ANAPC10: variants seen among roughly 807,000 people sequenced by gnomAD.
ANAPC10 encodes anaphase-promoting complex subunit 10.
A neutral mutation model predicts 22.0 loss-of-function variants in ANAPC10; 12 were observed. That is an observed-to-expected ratio of 0.55 (90% CI 0.35 to 0.88). The LOEUF (loss-of-function observed/expected upper bound fraction) is 0.88, where lower values mean the gene tolerates loss of function less well. Ranked by LOEUF, ANAPC10 falls within the 40% of genes least tolerant of loss-of-function variation. The probability of loss-of-function intolerance (pLI) is 0.01; values close to 1 mark genes in which losing one functional copy is unlikely to be tolerated. For missense variants in ANAPC10, 188 were observed against 220.9 expected (o/e 0.85, Z 0.94); for synonymous variants, 65 against 69.5 (o/e 0.94, Z 0.32).
At chr4:145,008,075 AGAAGAT>A (rs1482922921) in intron 4 of ANAPC10, among the ~76,000 whole-genome samples, 1 of 152,232 alleles carries the variant, frequency 6.6e-6, no homozygotes, top group East Asian at 1.9e-4. Context: ...CAAATAAACT[AGAAGAT>A]GAAGAAGAAA....
intron 4 of ANAPC10, among the ~76,000 whole-genome samples, chr4:145,011,268 C>T (rs1734256390): frequency 6.6e-6 from 1 of 151,246 alleles, no homozygotes; most frequent in Non-Finnish European, 1.5e-5. Context: ...ACCCTGGAGG[C>T]GGAGGTTGCA....
At chr4:145,095,092 T>C (rs1748311223) in intron 2 of ANAPC10, among the ~76,000 whole-genome samples, 1 of 151,976 alleles carries the variant, frequency 6.6e-6, no homozygotes, top group Non-Finnish European at 1.5e-5. Flanking sequence ...AGTAAAGAAA[T>C]TGGACAGAGA....
rs1731443829 is a variant in ANAPC10, at chr4:144,995,262, A to G, written c.*111T>C. On this transcript the variant is annotated 3_prime_UTR_variant, in exon 5 of 5. Transcript: ENST00000507656. ...AAGTTACAATAAAATATTTTTAAAC[A>G]TATACAAAATTAGATATAACGGATG... The G allele has an allele frequency of 7.0e-6, 4 of 570,646 alleles. 1 individual carries two copies. The South Asian group carries it at 1.3e-4, about 18-fold the overall frequency. 35.3% of individuals were successfully genotyped at this position (570,646 alleles called of 1,614,324 possible). A position where few individuals can be genotyped will look rare whatever the true frequency, so the allele number is the denominator to read the frequency against.
At chr4:145,076,902 A>G (rs933164335) in intron 3 of ANAPC10, among the ~76,000 whole-genome samples, 1 of 152,208 alleles carries the variant, frequency 6.6e-6, no homozygotes, top group Non-Finnish European at 1.5e-5. Context: ...CAGCTAGACA[A>G]AAATAAAAAA....
Position 145,059,049 on chromosome 4 carries a change from C to T in ANAPC10, c.327+5523G>A, listed in dbSNP as rs375253206. Reference sequence around the variant, plus strand: ...ATTTTTCCAAAGACTTGATAAATTACACTTTCTGTCTTATCAAACCAATTT... The same window carrying T: ...ATTTTTCCAAAGACTTGATAAATTATACTTTCTGTCTTATCAAACCAATTT... On this transcript the variant is annotated intron_variant, in intron 4 of 4. Coordinates refer to ENST00000507656, the MANE Select transcript of ANAPC10 (RefSeq NM_001256706.2). Among the ~76,000 whole-genome samples, 5 of 152,190 alleles carry T rather than the reference C, an allele frequency of 3.3e-5. No homozygotes were observed. The South Asian group carries it at 6.2e-4, about 19-fold the overall frequency.
At chr4:145,030,503 GA>G (rs1737396733) in intron 4 of ANAPC10, among the ~76,000 whole-genome samples, 1 of 152,204 alleles carries the variant, frequency 6.6e-6, no homozygotes, top group African/African-American at 2.4e-5. Context: ...GGGACCCAAA[GA>G]GTCATTTCGG....
intron 4 of ANAPC10, among the ~76,000 whole-genome samples, chr4:145,018,123 A>AT (rs369185241): frequency 0.28 from 41,814 of 147,438 alleles, 7,203 homozygotes; most frequent in Non-Finnish European, 0.38. Flanking sequence ...ATAATAAAAA[A>AT]AATATATATA....
At chr4:145,011,129 C>T (rs1443978298) in intron 4 of ANAPC10, among the ~76,000 whole-genome samples, 4 of 151,820 alleles carry the variant, frequency 2.6e-5, no homozygotes, top group African/African-American at 7.3e-5. Context: ...GTCAGGAGTT[C>T]GAGACCAACC....
In ANAPC10 at chr4:145,022,415, C is replaced by T. The variant is rs181799855; in HGVS notation, c.328-26812G>A. 2.3e-4 allele frequency among the ~76,000 whole-genome samples: 35 copies of T among 151,936 alleles called. No homozygotes were observed. The East Asian group carries it at 2.9e-3, about 13-fold the overall frequency. ...TATTCTAAGTGAAGTCACTCAGGAA[C>T]GGAGAACCAAACATCGTATATTCTC... On this transcript the variant is annotated intron_variant, in intron 4 of 4. Transcript: ENST00000507656.
At chr4:145,062,950 T>C (rs185436918) in intron 4 of ANAPC10, among the ~76,000 whole-genome samples, 3 of 152,194 alleles carry the variant, frequency 2.0e-5, no homozygotes, top group Admixed American at 1.3e-4. Context: ...TATTTACATA[T>C]GGAATATTAA....
At position 145,081,678 on chromosome 4, in the gene ANAPC10, A is replaced by G. The variant is rs1288408323; in HGVS notation, c.188T>C (p.Leu63Ser). 5.0e-6 allele frequency: 8 copies of G among 1,610,860 alleles called. No individual in the cohort carries two copies. The highest frequency in any genetic ancestry group is 1.3e-5 in the African/African-American group (1 of 74,884). The change falls in exon 3 of 5, where the codon TTA becomes TCA. Residue 63 changes from leucine to serine, a missense_variant. Physicochemically the swap from Leu to Ser is moderately radical, Grantham distance 145. Coordinates refer to ENST00000507656, the MANE Select transcript of ANAPC10 (RefSeq NM_001256706.2). ...YWQSDGSQPH[L>S]VNIQFRRKTT... The stretch of plus-strand genomic sequence containing the variant: ...TAATTACCTGAATTGGATGTTCACT[A>G]AATGAGGCTGGGAACCATCTGATTG...
intron 4 of ANAPC10, among the ~76,000 whole-genome samples, chr4:144,996,778 A>C (rs963849979): frequency 6.6e-6 from 1 of 152,160 alleles, no homozygotes; most frequent in African/African-American, 2.4e-5. Context: ...ATCAGAAATA[A>C]CAAACTTCTC....
intron 2 of ANAPC10, among the ~76,000 whole-genome samples, chr4:145,083,958 AC>A (rs1746476852): frequency 6.6e-6 from 1 of 151,614 alleles, no homozygotes; most frequent in Non-Finnish European, 1.5e-5. Flanking sequence ...TAACACTTTT[AC>A]TATTACAGAT....
intron 4 of ANAPC10, among the ~76,000 whole-genome samples, chr4:145,019,842 C>G (rs1735721371): frequency 6.6e-6 from 1 of 151,910 alleles, no homozygotes; most frequent in African/African-American, 2.4e-5. Context: ...CTAGAAGAGA[C>G]AGATAAATTC....
intron 4 of ANAPC10, among the ~76,000 whole-genome samples, chr4:145,052,748 T>C (rs536897463): frequency 1.8e-4 from 27 of 151,824 alleles, no homozygotes; most frequent in Non-Finnish European, 3.2e-4. Flanking sequence ...ATTAGCCAGG[T>C]GTGGTGGTGC....
At chr4:145,031,716 C>T (rs1431674352) in intron 4 of ANAPC10, among the ~76,000 whole-genome samples, 1 of 152,174 alleles carries the variant, frequency 6.6e-6, no homozygotes, top group African/African-American at 2.4e-5. Flanking sequence ...CTGTTTGGAG[C>T]CTTTGGCAGG....
intron 3 of ANAPC10, among the ~76,000 whole-genome samples, chr4:145,076,177 T>C (rs892592883): frequency 6.6e-5 from 10 of 152,336 alleles, no homozygotes; most frequent in African/African-American, 9.6e-5. Flanking sequence ...CTGACTGCTT[T>C]GACTGCACCC....
chr4:145,075,804 G>C (rs1745109985), intron 3 of ANAPC10, among the ~76,000 whole-genome samples: 1 of 152,222 alleles, frequency 6.6e-6, no homozygotes, highest in Non-Finnish European at 1.5e-5. Context: ...ACCCCAGCCT[G>C]TGTGGAGCCC....
At chr4:145,049,220 G>A (rs1740746424) in intron 4 of ANAPC10, among the ~76,000 whole-genome samples, 1 of 152,126 alleles carries the variant, frequency 6.6e-6, no homozygotes, top group Non-Finnish European at 1.5e-5. Context: ...AATGATGACG[G>A]CTACTGACAG....
Sources: allele counts gnomAD v4.1 joint callset (sites outside exome capture counted in the v4.1 genomes callset), GRCh38; gene constraint gnomAD v4.1.1; transcripts MANE v1.5; gene names NCBI Gene and HGNC (gene_info 2026-07-23, HGNC 2026-07-21).